The following MAGI2 variants were observed in gnomAD, a reference collection of about 807,000 sequenced individuals.
MAGI2 encodes membrane associated guanylate kinase, WW and PDZ domain containing 2, also known as membrane-associated guanylate kinase, WW and PDZ domain-containing protein 2.
A neutral mutation model predicts 133.3 loss-of-function variants in MAGI2; 35 were observed. The observed-to-expected ratio is 0.26, with a 90% CI of 0.20 to 0.35. The LOEUF (loss-of-function observed/expected upper bound fraction) is 0.35. MAGI2 is among the 10% of genes least tolerant of loss of function. The pLI is 1.00. For synonymous variants in MAGI2, 729 were observed against 710.6 expected (o/e 1.03, Z -0.41); for missense variants, 1,636 against 1,863.4 (o/e 0.88, Z 2.25).
chr7:78,616,576 T>C (rs531881782), intron 3 of MAGI2: 2 of 152,184 alleles, frequency 1.3e-5, no homozygotes, highest in South Asian at 4.1e-4. Context: ...AGATAAGAAC[T>C]ACATCCCAGA....
chr7:79,331,479 G>T (rs1840067046), intron 1 of MAGI2, among the ~76,000 whole-genome samples: 1 of 152,016 alleles, frequency 6.6e-6, no homozygotes, highest in African/African-American at 2.4e-5. Context: ...GGGAACTATA[G>T]GTATTAACTT....
intron 2 of MAGI2, among the ~76,000 whole-genome samples, chr7:78,794,229 C>T (rs999657706): frequency 6.6e-6 from 1 of 152,154 alleles, no homozygotes; most frequent in African/African-American, 2.4e-5. Context: ...ACAGCACTGC[C>T]TGGTTAATCC....
intron 2 of MAGI2, among the ~76,000 whole-genome samples, chr7:78,853,494 T>TACAG (rs1388874638): frequency 6.6e-6 from 1 of 151,562 alleles, no homozygotes; most frequent in Non-Finnish European, 1.5e-5. Flanking sequence ...TAGCTGTGAC[T>TACAG]ACAGACACAT....
intron 2 of MAGI2, among the ~76,000 whole-genome samples, chr7:78,813,514 G>T (rs373642274): frequency 1.3e-5 from 2 of 152,150 alleles, no homozygotes; most frequent in Admixed American, 6.5e-5. Flanking sequence ...GGCCGGGCGC[G>T]ATGGCTCACG....
chr7:78,287,203 T>C (rs376288647), intron 9 of MAGI2, among the ~76,000 whole-genome samples: 70 of 152,286 alleles, frequency 4.6e-4, no homozygotes, highest in African/African-American at 1.6e-3. Flanking sequence ...GGTCCTGAAC[T>C]AATCCAATGG....
chr7:78,198,289 G>A (rs1828908993), intron 11 of MAGI2, among the ~76,000 whole-genome samples: 1 of 152,134 alleles, frequency 6.6e-6, no homozygotes, highest in South Asian at 2.1e-4. Flanking sequence ...AGAGAAGTCT[G>A]TATCTCTTGG....
chr7:78,889,775 T>C (rs1796586380), intron 2 of MAGI2, among the ~76,000 whole-genome samples: 1 of 152,124 alleles, frequency 6.6e-6, no homozygotes, highest in Admixed American at 6.5e-5. Flanking sequence ...TGCAAAAACA[T>C]GCCAAATTGT....
intron 2 of MAGI2, among the ~76,000 whole-genome samples, chr7:78,710,210 G>A (rs977473731): frequency 1.3e-5 from 2 of 150,200 alleles, no homozygotes; most frequent in African/African-American, 4.9e-5. Flanking sequence ...TACTAAACAG[G>A]AAGCTGAAAT....
At chr7:79,258,614 G>T (rs866519274) in intron 1 of MAGI2, among the ~76,000 whole-genome samples, 4 of 152,132 alleles carry the variant, frequency 2.6e-5, no homozygotes, top group African/African-American at 9.7e-5. Flanking sequence ...GCTCTAAAAA[G>T]TAACTACTTA....
chr7:78,633,563 G>A (rs1347615123), intron 2 of MAGI2, among the ~76,000 whole-genome samples: 2 of 151,950 alleles, frequency 1.3e-5, no homozygotes, highest in African/African-American at 4.8e-5. Flanking sequence ...AAAATTAGCC[G>A]GGCGTGGTGG....
At chr7:78,998,326 AATG>A (rs1806512322) in intron 2 of MAGI2, among the ~76,000 whole-genome samples, 1 of 152,202 alleles carries the variant, frequency 6.6e-6, no homozygotes. Flanking sequence ...TGAGTTGAAT[AATG>A]ATAAAATACA....
rs181084133 is a variant in MAGI2 at position 79,026,704 on chromosome 7, T to C, written c.302-19498A>G. Among the ~76,000 whole-genome samples, 10 of 151,954 alleles carry C rather than the reference T, an allele frequency of 6.6e-5. No homozygotes were observed. In the East Asian group the frequency reaches 1.9e-3, roughly 30 times the overall value. On this transcript the variant is annotated intron_variant, in intron 1 of 21. Transcript: ENST00000354212. ...CCTGGCCAACATGATGAAACCCCGT[T>C]TCCACTAAAAATACAAAAACTTAGT...
At chr7:79,037,116 C>T (rs916824519) in intron 1 of MAGI2, among the ~76,000 whole-genome samples, 4 of 152,018 alleles carry the variant, frequency 2.6e-5, no homozygotes, top group African/African-American at 9.7e-5. Context: ...CAGAAATAAG[C>T]GAAGCAGTTT....
At chr7:78,821,871 A>AAG (rs142970041) in intron 2 of MAGI2, among the ~76,000 whole-genome samples, 4,376 of 152,116 alleles carry the variant, frequency 0.029, 87 homozygotes, top group Middle Eastern at 0.051. Context: ...TTTTTCATAA[A>AAG]AGAAAGGCAA....
chr7:78,293,543 T>C (rs1430656389), intron 9 of MAGI2, among the ~76,000 whole-genome samples: 1 of 152,214 alleles, frequency 6.6e-6, no homozygotes, highest in African/African-American at 2.4e-5. Flanking sequence ...CTCAAGGATC[T>C]AGACCTAGAA....
At chr7:78,267,316 A>T (rs1429825257) in intron 9 of MAGI2, among the ~76,000 whole-genome samples, 1 of 152,090 alleles carries the variant, frequency 6.6e-6, no homozygotes, top group East Asian at 1.9e-4. Flanking sequence ...AGAAAGAACA[A>T]ATGTGCCATG....
chr7:79,315,981 G>A (rs553235626), intron 1 of MAGI2, among the ~76,000 whole-genome samples: 10 of 152,042 alleles, frequency 6.6e-5, no homozygotes, highest in Non-Finnish European at 1.5e-4. Flanking sequence ...CATGGCCCTG[G>A]GCAAGTTATT....
At chr7:78,650,675 A>C (rs1363199451) in intron 2 of MAGI2, among the ~76,000 whole-genome samples, 1 of 152,134 alleles carries the variant, frequency 6.6e-6, no homozygotes, top group Non-Finnish European at 1.5e-5. Context: ...TATAATCATT[A>C]CCATTCCAAG....
intron 16 of MAGI2, among the ~76,000 whole-genome samples, chr7:78,150,528 T>G (rs906812841): frequency 7.2e-5 from 11 of 152,226 alleles, no homozygotes; most frequent in African/African-American, 2.7e-4. Flanking sequence ...ATGGGCATCC[T>G]GCATTGGTAG....
Sources: allele counts gnomAD v4.1 joint callset (sites outside exome capture counted in the v4.1 genomes callset), GRCh38; gene constraint gnomAD v4.1.1; transcripts MANE v1.5; gene names NCBI Gene and HGNC (gene_info 2026-07-23, HGNC 2026-07-21).